The following BMPER variants were observed in gnomAD, a reference collection of about 807,000 sequenced individuals.
BMPER encodes the protein BMP binding endothelial regulator, also known as BMP-binding endothelial regulator protein.
A neutral mutation model predicts 87.3 loss-of-function variants in BMPER; 45 were observed. That is an observed-to-expected ratio of 0.52 (90% CI 0.41 to 0.66). The LOEUF (loss-of-function observed/expected upper bound fraction) is 0.66. Among genes scored for constraint, BMPER ranks in the 30% least tolerant of loss-of-function variants. The pLI is 0.00. For missense variants in BMPER, 784 were observed against 867.5 expected (o/e 0.90, Z 1.21); for synonymous variants, 326 against 316.2 (o/e 1.03, Z -0.33).
At chr7:33,928,752 G>A (rs146240024) in intron 2 of BMPER, among the ~76,000 whole-genome samples, 43 of 150,508 alleles carry the variant, frequency 2.9e-4, no homozygotes, top group African/African-American at 1.0e-3. Context: ...GTTAGGTAAC[G>A]TAAATATCAG....
chr7:34,102,291 C>A (rs1191966948), intron 13 of BMPER, among the ~76,000 whole-genome samples: 1 of 152,202 alleles, frequency 6.6e-6, no homozygotes, highest in East Asian at 1.9e-4. Context: ...AAGCCTCATG[C>A]TCCTCATTGG....
At chr7:34,119,218 T>C (rs1214514948) in intron 13 of BMPER, among the ~76,000 whole-genome samples, 2 of 152,140 alleles carry the variant, frequency 1.3e-5, no homozygotes, top group Admixed American at 1.3e-4. Flanking sequence ...CTGAGTTAAA[T>C]GTTAAGATTG....
chr7:33,997,364 A>C (rs1209762169), intron 6 of BMPER, among the ~76,000 whole-genome samples: 1 of 152,056 alleles, frequency 6.6e-6, no homozygotes, highest in Admixed American at 6.6e-5. Context: ...TGTAATCCCC[A>C]TGTGTTGAGG....
At chr7:34,069,911 C>G (rs1168163018) in intron 11 of BMPER, among the ~76,000 whole-genome samples, 1 of 152,122 alleles carries the variant, frequency 6.6e-6, no homozygotes, top group Admixed American at 6.6e-5. Flanking sequence ...GTCATTCTTT[C>G]TTCTTATCTC....
intron 13 of BMPER, among the ~76,000 whole-genome samples, chr7:34,115,192 C>CT (rs1445773662): frequency 6.6e-6 from 1 of 152,042 alleles, no homozygotes; most frequent in Admixed American, 6.5e-5. Flanking sequence ...ACAAAAATGA[C>CT]TTTAATAGAA....
chr7:34,024,931 T>A (rs958897107), intron 6 of BMPER, among the ~76,000 whole-genome samples: 1 of 152,072 alleles, frequency 6.6e-6, no homozygotes. Flanking sequence ...GTTTCTCAAA[T>A]AGGAGAAACT....
At chr7:34,082,310 C>T (rs1478694160) in intron 12 of BMPER, among the ~76,000 whole-genome samples, 4 of 147,356 alleles carry the variant, frequency 2.7e-5, no homozygotes, top group South Asian at 2.2e-4. Flanking sequence ...GAGCAATTCC[C>T]TCAATTACAA....
At chr7:34,050,569 G>A (rs1788123503) in intron 7 of BMPER, among the ~76,000 whole-genome samples, 2 of 152,012 alleles carry the variant, frequency 1.3e-5, no homozygotes, top group African/African-American at 4.8e-5. Flanking sequence ...AGTATGTTTA[G>A]GTATTTTGAG....
At chr7:33,957,924 A>T (rs188407907) in intron 3 of BMPER, among the ~76,000 whole-genome samples, 1 of 152,326 alleles carries the variant, frequency 6.6e-6, no homozygotes, top group African/African-American at 2.4e-5. Flanking sequence ...TGCATTAGTG[A>T]CACAGATGGT....
chr7:33,905,590 G>C lies in BMPER; in HGVS notation c.-24G>C, dbSNP rs1224178944. On this transcript the variant is annotated 5_prime_UTR_variant, in exon 1 of 15. Coordinates refer to ENST00000649409, the MANE Select transcript of BMPER (RefSeq NM_001365308.1). ...AGGCGGCGGCGCGGGACCTGCAGTCGCCAGGGATTCCCTCCAGGTGACGAT... is the reference window on the plus strand; with the variant it reads ...AGGCGGCGGCGCGGGACCTGCAGTCCCCAGGGATTCCCTCCAGGTGACGAT... 1.9e-6 allele frequency: 3 copies of C among 1,609,756 alleles called. No individual in the cohort carries two copies. The South Asian group carries it at 3.3e-5, about 18-fold the overall frequency.
intron 6 of BMPER, among the ~76,000 whole-genome samples, chr7:34,023,630 T>C (rs1043155427): frequency 9.2e-5 from 14 of 152,086 alleles, no homozygotes; most frequent in African/African-American, 3.1e-4. Flanking sequence ...ATGTATGAAC[T>C]CCAACTCCTA....
intron 3 of BMPER, among the ~76,000 whole-genome samples, chr7:33,954,629 A>G (rs1465218893): frequency 6.6e-6 from 1 of 152,242 alleles, no homozygotes; most frequent in African/African-American, 2.4e-5. Context: ...TACTAATGAA[A>G]GAAATATAAT....
At chr7:34,019,930 T>C (rs1020199043) in intron 6 of BMPER, among the ~76,000 whole-genome samples, 1 of 151,010 alleles carries the variant, frequency 6.6e-6, no homozygotes, top group Non-Finnish European at 1.5e-5. Flanking sequence ...GAAGCTGTTC[T>C]GTAAGGTTTT....
At chr7:34,029,421 C>T (rs1046444815) in intron 6 of BMPER, among the ~76,000 whole-genome samples, 1 of 152,038 alleles carries the variant, frequency 6.6e-6, no homozygotes, top group Non-Finnish European at 1.5e-5. Context: ...GAGCATGGCC[C>T]ACATGGAGGA....
intron 2 of BMPER, among the ~76,000 whole-genome samples, chr7:33,930,364 G>A (rs560775014): frequency 6.6e-6 from 1 of 152,228 alleles, no homozygotes; most frequent in South Asian, 2.1e-4. Flanking sequence ...AATGAAGAAT[G>A]AGCAAGCAAA....
intron 6 of BMPER, among the ~76,000 whole-genome samples, chr7:33,980,200 G>C (rs1218805240): frequency 4.6e-5 from 7 of 152,150 alleles, no homozygotes; most frequent in African/African-American, 1.7e-4. Context: ...AGAAATAAAA[G>C]AGCCAAGAGA....
chr7:34,014,437 G>C lies in BMPER; in HGVS notation c.577-31869G>C, dbSNP rs116507133. On this transcript the variant is annotated intron_variant, in intron 6 of 14. Coordinates refer to ENST00000649409, the MANE Select transcript of BMPER (RefSeq NM_001365308.1). ...GATATCCTTCAAACAAGATGTCTGT[G>C]CCCTGTGAATGCATGCGAGGCCACC... 2.5e-3 allele frequency among the ~76,000 whole-genome samples: 374 copies of C among 152,050 alleles called. 2 individuals carry two copies. Among genetic ancestry groups the C allele is most frequent in the African/African-American group, 8.5e-3 (353 of 41,532 alleles).
At chr7:34,140,068 A>C (rs1301994906) in intron 13 of BMPER, among the ~76,000 whole-genome samples, 1 of 152,196 alleles carries the variant, frequency 6.6e-6, no homozygotes, top group African/African-American at 2.4e-5. Context: ...ATCAGAAAAA[A>C]ACAAGGTGTC....
intron 3 of BMPER, among the ~76,000 whole-genome samples, chr7:33,957,612 G>A (rs1307191140): frequency 1.3e-5 from 2 of 152,002 alleles, no homozygotes; most frequent in Non-Finnish European, 1.5e-5. Flanking sequence ...ATGTAAAACT[G>A]GTAAAATCTG....
Sources: gnomAD v4.1 joint callset for allele counts (sites outside exome capture counted in the v4.1 genomes callset) on GRCh38, gnomAD v4.1.1 for gene constraint, MANE v1.5 for transcripts, NCBI Gene and HGNC (gene_info 2026-07-23, HGNC 2026-07-21) for gene names.